ADAMTSL3: variants seen among roughly 807,000 people sequenced by gnomAD.
ADAMTSL3 encodes the protein ADAMTS-like protein 3.
In ADAMTSL3, 128 loss-of-function variants were observed where a neutral mutation model predicts 201.7. That is an observed-to-expected ratio of 0.63 (90% CI 0.55 to 0.73). The LOEUF is 0.73. ADAMTSL3 is among the 30% of genes least tolerant of loss of function. The pLI is 0.00. For missense variants in ADAMTSL3, 1,990 were observed against 2,119.6 expected (o/e 0.94, Z 1.20); for synonymous variants, 738 against 748.4 (o/e 0.99, Z 0.23).
chr15:83,964,430 T>C (rs2067037813), intron 19 of ADAMTSL3, among the ~76,000 whole-genome samples: 1 of 151,772 alleles, frequency 6.6e-6, no homozygotes, highest in Admixed American at 6.6e-5. Flanking sequence ...TATCAGAGAT[T>C]GAAGATGAAC....
At chr15:83,714,801 T>C (rs573162273) in intron 3 of ADAMTSL3, among the ~76,000 whole-genome samples, 13 of 146,110 alleles carry the variant, frequency 8.9e-5, no homozygotes, top group South Asian at 2.2e-4. Context: ...TTCTCTCTCT[T>C]TCTTTCTTCT....
At chr15:83,688,726 C>G (rs1258920356) in intron 2 of ADAMTSL3, among the ~76,000 whole-genome samples, 1 of 140,638 alleles carries the variant, frequency 7.1e-6, no homozygotes, top group African/African-American at 2.8e-5. Context: ...AAAAAACTAT[C>G]TAGTGTTAAG....
intron 19 of ADAMTSL3, among the ~76,000 whole-genome samples, chr15:83,952,839 A>G (rs1040674770): frequency 8.6e-5 from 13 of 151,644 alleles, no homozygotes; most frequent in African/African-American, 3.1e-4. Context: ...ACATTGTTAT[A>G]TCCCCTTGCT....
At chr15:83,835,331 T>C (rs2064246855) in intron 6 of ADAMTSL3, among the ~76,000 whole-genome samples, 1 of 152,148 alleles carries the variant, frequency 6.6e-6, no homozygotes, top group East Asian at 1.9e-4. Context: ...TTCTGGCTTA[T>C]TCGTTATGAA....
intron 5 of ADAMTSL3, among the ~76,000 whole-genome samples, chr15:83,811,385 A>G (rs1424379365): frequency 6.6e-6 from 1 of 152,224 alleles, no homozygotes; most frequent in East Asian, 1.9e-4. Context: ...CCCCAGATCA[A>G]GGTGTTACAT....
At chr15:83,943,172 T>G in intron 19 of ADAMTSL3, 90 bp downstream of exon 19, 1 of 1,414,408 alleles carries the variant, frequency 7.1e-7, no homozygotes, top group Non-Finnish European at 9.4e-7. Context: ...AGGCTGGAAC[T>G]ACTGTGAGAT....
chr15:83,988,876 T>A, intron 22 of ADAMTSL3, 58 bp downstream of exon 22: 7 of 1,059,330 alleles, frequency 6.6e-6, no homozygotes, highest in Non-Finnish European at 8.3e-6. Flanking sequence ...TTTTTATTTA[T>A]TTATTTATTT....
intron 3 of ADAMTSL3, chr15:83,740,070 G>A (rs897703267): frequency 5.1e-5 from 16 of 316,644 alleles, no homozygotes; most frequent in Middle Eastern, 7.1e-4. Context: ...TCACAGGTAA[G>A]GAATACCTAT....
At chr15:84,037,611 C>T in intron 29 of ADAMTSL3, 89 bp from the exon 30 acceptor site, 1 of 1,417,822 alleles carries the variant, frequency 7.1e-7, no homozygotes. Flanking sequence ...ACTCTGTGAT[C>T]TCAATTTATG....
At chr15:83,686,218 C>T (rs1199879586) in intron 2 of ADAMTSL3, among the ~76,000 whole-genome samples, 5 of 152,218 alleles carry the variant, frequency 3.3e-5, no homozygotes. Flanking sequence ...TTCTCACAAG[C>T]AACTTTGTGA....
At chr15:83,822,686 G>A (rs2063909296) in intron 6 of ADAMTSL3, among the ~76,000 whole-genome samples, 8 of 150,652 alleles carry the variant, frequency 5.3e-5, no homozygotes, top group African/African-American at 1.2e-4. Flanking sequence ...TGGCGGCCGG[G>A]CAGAGACGCT....
chr15:83,953,974 C>G (rs1259819647), intron 19 of ADAMTSL3, among the ~76,000 whole-genome samples: 1 of 152,116 alleles, frequency 6.6e-6, no homozygotes, highest in Non-Finnish European at 1.5e-5. Context: ...TTACCCTTGA[C>G]CTTTGGGAGT....
rs746294179 is a variant in ADAMTSL3 at position 83,890,197 on chromosome 15, A to G, written c.1161A>G (p.Val387=). 1.9e-6 allele frequency: 3 copies of G among 1,614,064 alleles called. No individual in the cohort carries two copies. Among genetic ancestry groups the G allele is most frequent in the Non-Finnish European group, 2.5e-6 (3 of 1,179,930 alleles). Residue 387 remains valine (V), a synonymous_variant, in exon 11 of 30, where the codon GTA becomes GTG. Transcript: ENST00000286744. ...DHYCHYYPEN[V]KPKPKLKECS... is the part of the protein sequence containing the mutation. ...ATTGTCACTACTACCCTGAAAATGT[A>G]AAACCAAAACCAAAACTGAAGGAAT...
chr15:83,990,494 A>G (rs2067562733), intron 22 of ADAMTSL3, among the ~76,000 whole-genome samples: 1 of 152,230 alleles, frequency 6.6e-6, no homozygotes, highest in South Asian at 2.1e-4. Flanking sequence ...TGCAGACCAC[A>G]GAGTGGACAC....
At chr15:83,847,495 CT>C (rs34900690) in intron 7 of ADAMTSL3, among the ~76,000 whole-genome samples, 6,122 of 137,808 alleles carry the variant, frequency 0.044, 376 homozygotes, top group African/African-American at 0.15. Flanking sequence ...TGCCAGGTAA[CT>C]TTTTTTTTTT....
chr15:83,894,354 T>C (rs1474910487), intron 13 of ADAMTSL3, among the ~76,000 whole-genome samples: 1 of 152,226 alleles, frequency 6.6e-6, no homozygotes, highest in Non-Finnish European at 1.5e-5. Context: ...AATTACGTAT[T>C]TCTTCACATA....
intron 4 of ADAMTSL3, among the ~76,000 whole-genome samples, chr15:83,798,116 G>A (rs548495906): frequency 7.7e-4 from 117 of 152,224 alleles, no homozygotes; most frequent in African/African-American, 2.7e-3. Flanking sequence ...AACTGCAGAA[G>A]GTTTTTGGCA....
intron 2 of ADAMTSL3, among the ~76,000 whole-genome samples, chr15:83,681,180 CAT>C (rs897771414): frequency 6.6e-6 from 1 of 152,174 alleles, no homozygotes; most frequent in Admixed American, 6.5e-5. Context: ...ATTTTAGTGA[CAT>C]AATACAGAAA....
intron 15 of ADAMTSL3, among the ~76,000 whole-genome samples, chr15:83,909,105 C>T (rs1039158102): frequency 1.1e-4 from 16 of 152,302 alleles, no homozygotes; most frequent in South Asian, 6.2e-4. Context: ...AAATCCCTCT[C>T]GCTTATTAGT....
Sources: gnomAD v4.1 joint callset for allele counts (sites outside exome capture counted in the v4.1 genomes callset) on GRCh38, gnomAD v4.1.1 for gene constraint, MANE v1.5 for transcripts, NCBI Gene and HGNC (gene_info 2026-07-23, HGNC 2026-07-21) for gene names.